The following NSD3 variants were observed in gnomAD, a reference collection of about 807,000 sequenced individuals.
NSD3 encodes nuclear receptor binding SET domain protein 3, also known as histone-lysine N-methyltransferase NSD3.
Under a neutral mutation model 160.8 loss-of-function variants are expected in NSD3, and 24 were observed. That is an observed-to-expected ratio of 0.15 (90% CI 0.11 to 0.21). NSD3 has a LOEUF of 0.21. NSD3 is among the 10% of genes least tolerant of loss of function. The pLI is 1.00. For missense variants in NSD3, 1,157 were observed against 1,735.9 expected, an observed-to-expected ratio of 0.67 and a Z score of 5.93; for synonymous variants, 520 against 600.0, an observed-to-expected ratio of 0.87 and a Z score of 1.95.
intron 12 of NSD3, among the ~76,000 whole-genome samples, chr8:38,309,762 T>C (rs1389209314): frequency 1.3e-5 from 2 of 152,226 alleles, no homozygotes; most frequent in Admixed American, 1.3e-4. Flanking sequence ...TTGTACATTT[T>C]ATTCAAAAGG....
chr8:38,373,568 A>G (rs1811310551), intron 1 of NSD3, among the ~76,000 whole-genome samples: 1 of 152,208 alleles, frequency 6.6e-6, no homozygotes, highest in South Asian at 2.1e-4. Flanking sequence ...AGATAACATA[A>G]GATTCAATAG....
chr8:38,368,245 C>G (rs1386612610), intron 1 of NSD3, among the ~76,000 whole-genome samples: 1 of 152,216 alleles, frequency 6.6e-6, no homozygotes, highest in East Asian at 1.9e-4. Context: ...CAGGTGTGAG[C>G]CACTGCACCA....
At chr8:38,303,716 T>C (rs1809329386) in intron 14 of NSD3, among the ~76,000 whole-genome samples, 1 of 152,218 alleles carries the variant, frequency 6.6e-6, no homozygotes, top group African/African-American at 2.4e-5. Flanking sequence ...TCATGTTCAG[T>C]ATGGTCTAAA....
At chr8:38,361,085 G>A (rs1336494252) in intron 1 of NSD3, among the ~76,000 whole-genome samples, 1 of 152,134 alleles carries the variant, frequency 6.6e-6, no homozygotes, top group Non-Finnish European at 1.5e-5. Flanking sequence ...CAGTGCAGCG[G>A]CACAATCTTG....
intron 20 of NSD3, among the ~76,000 whole-genome samples, chr8:38,280,648 A>C (rs918903117): frequency 6.6e-6 from 1 of 152,216 alleles, no homozygotes; most frequent in Non-Finnish European, 1.5e-5. Context: ...CTGACAAAAA[A>C]ATTAACTGAG....
chr8:38,356,448 G>A (rs1810825762), intron 1 of NSD3, among the ~76,000 whole-genome samples: 1 of 152,006 alleles, frequency 6.6e-6, no homozygotes, highest in Non-Finnish European at 1.5e-5. Context: ...CAGGCATGGT[G>A]GCTCATGCCT....
At chr8:38,290,103 C>G (rs1470986615) in intron 17 of NSD3, among the ~76,000 whole-genome samples, 2 of 151,886 alleles carry the variant, frequency 1.3e-5, no homozygotes, top group Admixed American at 6.6e-5. Context: ...GTAGCCCCAG[C>G]TACTCGGGAG....
chr8:38,342,840 G>A (rs1810411272), intron 2 of NSD3, among the ~76,000 whole-genome samples: 1 of 151,858 alleles, frequency 6.6e-6, no homozygotes, highest in Admixed American at 6.6e-5. Context: ...TTACAGCCGT[G>A]AGCCACCACG....
intron 1 of NSD3, among the ~76,000 whole-genome samples, chr8:38,355,842 C>T (rs1810810635): frequency 6.6e-6 from 1 of 152,170 alleles, no homozygotes; most frequent in African/African-American, 2.4e-5. Context: ...TCACAGAACA[C>T]CCCTTTGAGG....
In NSD3 at chr8:38,329,584, C is replaced by T. The variant is rs1174961740; in HGVS notation, c.1375G>A (p.Glu459Lys). 29 of 1,614,122 alleles carry T rather than the reference C, an allele frequency of 1.8e-5. No individual in the cohort carries two copies. The highest frequency in any genetic ancestry group is 2.5e-5 in the Non-Finnish European group (29 of 1,180,056). The change falls in exon 6 of 24, where the codon GAA becomes AAA. Residue 459 changes from glutamate to lysine, a missense_variant. Physicochemically the swap from Glu to Lys is moderately conservative, Grantham distance 56. Coordinates refer to ENST00000317025, the MANE Select transcript of NSD3 (RefSeq NM_023034.2). This position sits in a 1 kb window ranked among gnomAD's most constrained non-coding sequence, Gnocchi z 4.8. ...TTAACAGGCGGTGGCTCTTCCTCTTCCGCACTTGTGTGCCGCCTCTGGCTA... is the reference window on the plus strand; with the variant it reads ...TTAACAGGCGGTGGCTCTTCCTCTTTCGCACTTGTGTGCCGCCTCTGGCTA... ...RHSQRRHTSA[E>K]EEEPPPVKIA...
At chr8:38,377,153 A>C (rs1325245649) in intron 1 of NSD3, among the ~76,000 whole-genome samples, 1 of 152,114 alleles carries the variant, frequency 6.6e-6, no homozygotes, top group South Asian at 2.1e-4. Context: ...CCTGGGTTCA[A>C]GCGATTGGCC....
rs1808455081 is a variant in NSD3 at position 38,271,038 on chromosome 8, T to C, written c.*4603A>G. On this transcript the variant is annotated 3_prime_UTR_variant, in exon 24 of 24. Transcript: ENST00000317025. ...ATAGACATAGTAAAAGGAAAGAAGA[T>C]GTGCTTGGGGAGAGGGTTGACAAAA... is the stretch of plus-strand genomic sequence containing the variant. 1 of 152,188 alleles carries C rather than the reference T, an allele frequency of 6.6e-6. No individual in the cohort carries two copies. The highest frequency in any genetic ancestry group is 2.4e-5 in the African/African-American group (1 of 41,452). 9.4% of individuals were successfully genotyped at this position (152,188 alleles called of 1,614,324 possible).
rs114745533 is a variant in NSD3, at chr8:38,299,013, G to A, written c.2758+431C>T. Among the ~76,000 whole-genome samples the A allele has an allele frequency of 3.6e-3, 544 of 152,304 alleles. 2 individuals are homozygous for A. Among genetic ancestry groups the A allele is most frequent in the African/African-American group, 0.013 (520 of 41,554 alleles). On this transcript the variant is annotated intron_variant, in intron 15 of 23. Transcript: ENST00000317025. Reference sequence around the variant, plus strand: ...TCTAAAAGCAAACTTTCAAGTATCAGTATCTTAGTTTCCCTCTTTTAATAA... The same window carrying A: ...TCTAAAAGCAAACTTTCAAGTATCAATATCTTAGTTTCCCTCTTTTAATAA...
In NSD3 at chr8:38,288,861, C is replaced by G; in HGVS notation, c.3232-105G>C. 7.1e-7 allele frequency: 1 copy of G among 1,406,122 alleles called. No homozygotes were observed. The highest frequency in any genetic ancestry group is 1.4e-5 in the South Asian group (1 of 72,308). The allele number at this position is 1,406,122 out of a possible 1,614,324, so 87.1% of individuals were successfully genotyped here. A position where few individuals can be genotyped will look rare whatever the true frequency, so the allele number is the denominator to read the frequency against. ...ACGCTACTGCCTCGTGGTGCTACTC[C>G]GAGAAAGGTTGTCTTTCCTGATGAA... On this transcript the variant is annotated intron_variant, in intron 18 of 23. Transcript: ENST00000317025. The surrounding 1 kb of genome is among the most constrained non-coding windows in gnomAD (Gnocchi z 4.5).
chr8:38,347,455 G>C (rs759079295), intron 2 of NSD3, 42 bp downstream of exon 2: 1 of 1,529,350 alleles, frequency 6.5e-7, no homozygotes, highest in South Asian at 1.3e-5. Context: ...TCCAGTAAAT[G>C]TGAAATATAA....
chr8:38,370,218 T>C (rs1309089014), intron 1 of NSD3, among the ~76,000 whole-genome samples: 5 of 152,198 alleles, frequency 3.3e-5, no homozygotes, highest in Non-Finnish European at 1.5e-5. Flanking sequence ...CCATATTTTC[T>C]ATAAGGTGAT....
At chr8:38,301,541 T>C (rs201890595) in intron 14 of NSD3, among the ~76,000 whole-genome samples, 2 of 152,058 alleles carry the variant, frequency 1.3e-5, no homozygotes, top group Non-Finnish European at 2.9e-5. Context: ...GACTGCACCA[T>C]TGCACTCCAG....
intron 12 of NSD3, among the ~76,000 whole-genome samples, chr8:38,313,786 T>TAAA (rs1809592087): frequency 8.4e-6 from 1 of 118,676 alleles, no homozygotes; most frequent in Admixed American, 9.1e-5. Flanking sequence ...AGACTCTGTC[T>TAAA]CAAAAAAAAA....
At chr8:38,335,298 TA>T (rs1371123017) in intron 4 of NSD3, among the ~76,000 whole-genome samples, 2 of 152,200 alleles carry the variant, frequency 1.3e-5, no homozygotes, top group South Asian at 2.1e-4. Context: ...GAGATTAGGT[TA>T]ATTAATAAAA....
Sources: gnomAD v4.1 joint callset for allele counts (sites outside exome capture counted in the v4.1 genomes callset) on GRCh38, gnomAD v4.1.1 for gene constraint, Gnocchi (gnomAD v3.1) non-coding constraint, MANE v1.5 for transcripts, NCBI Gene and HGNC (gene_info 2026-07-23, HGNC 2026-07-21) for gene names.